The following CPA6 variants were observed in gnomAD, a reference collection of about 807,000 sequenced individuals.
CPA6 encodes carboxypeptidase A6, also known as carboxypeptidase B.
In CPA6, 58 loss-of-function variants were observed where a neutral mutation model predicts 63.3. The observed-to-expected ratio is 0.92, with a 90% CI of 0.74 to 1.14. CPA6 has a LOEUF of 1.14. Ranked by LOEUF, CPA6 falls within the 50% of genes most tolerant of loss-of-function variation. CPA6 has a pLI of 0.00. For synonymous variants in CPA6, 185 were observed against 179.0 expected, an observed-to-expected ratio of 1.03 and a Z score of -0.27; for missense variants, 565 against 526.6, an observed-to-expected ratio of 1.07 and a Z score of -0.71.
intron 6 of CPA6, among the ~76,000 whole-genome samples, chr8:67,492,791 A>C (rs1811635315): frequency 6.6e-6 from 1 of 152,172 alleles, no homozygotes; most frequent in South Asian, 2.1e-4. Flanking sequence ...AGCGGAGTAC[A>C]ACTAATGCAA....
At chr8:67,638,215 G>A (rs1431911706) in intron 1 of CPA6, among the ~76,000 whole-genome samples, 1 of 151,214 alleles carries the variant, frequency 6.6e-6, no homozygotes, top group South Asian at 2.1e-4. Flanking sequence ...CCCATGTAAA[G>A]CCTTAAAGAT....
At chr8:67,710,751 T>TG (rs113588595) in intron 1 of CPA6, among the ~76,000 whole-genome samples, 2,033 of 147,388 alleles carry the variant, frequency 0.014, 50 homozygotes, top group African/African-American at 0.045. Context: ...TTTAGTCTGT[T>TG]GGGGGGGGCT....
At chr8:67,673,386 T>A (rs1010126899) in intron 1 of CPA6, among the ~76,000 whole-genome samples, 2 of 110,876 alleles carry the variant, frequency 1.8e-5, no homozygotes, top group African/African-American at 1.1e-4. Context: ...TATTATTTAT[T>A]TATTTTTTTT....
chr8:67,730,026 G>A (rs77710582), intron 1 of CPA6, among the ~76,000 whole-genome samples: 2 of 152,210 alleles, frequency 1.3e-5, no homozygotes, highest in Non-Finnish European at 2.9e-5. Flanking sequence ...GATGTAGGGC[G>A]GGGGAGGATT....
chr8:67,523,505 G>A (rs1812301625), intron 2 of CPA6, among the ~76,000 whole-genome samples: 1 of 152,156 alleles, frequency 6.6e-6, no homozygotes, highest in Admixed American at 6.5e-5. Context: ...CTCCAGCCTG[G>A]GGGAAAGAGT....
intron 2 of CPA6, 46 bp from the exon 3 acceptor site, chr8:67,518,093 G>T: frequency 2.7e-6 from 4 of 1,479,742 alleles, no homozygotes; most frequent in Non-Finnish European, 3.6e-6. Flanking sequence ...ACGTAGGGGG[G>T]GAAAATCTGT....
At chr8:67,651,538 C>T (rs1333780208) in intron 1 of CPA6, among the ~76,000 whole-genome samples, 1 of 151,496 alleles carries the variant, frequency 6.6e-6, no homozygotes, top group Non-Finnish European at 1.5e-5. Flanking sequence ...TTTTTGTTTT[C>T]CTTGAACTGA....
intron 2 of CPA6, among the ~76,000 whole-genome samples, chr8:67,558,311 C>A (rs1052086114): frequency 3.9e-5 from 6 of 152,136 alleles, no homozygotes; most frequent in Non-Finnish European, 7.4e-5. Context: ...CCGTTTATTT[C>A]TTTCGTAGCC....
At chr8:67,445,670 A>G (rs1436638111) in intron 8 of CPA6, among the ~76,000 whole-genome samples, 5 of 152,206 alleles carry the variant, frequency 3.3e-5, no homozygotes, top group Non-Finnish European at 5.9e-5. Context: ...TAGTGTCTAC[A>G]TGTTGTTTTT....
chr8:67,652,806 T>C (rs1815880124), intron 1 of CPA6, among the ~76,000 whole-genome samples: 1 of 152,074 alleles, frequency 6.6e-6, no homozygotes, highest in African/African-American at 2.4e-5. Context: ...AGACATGAAG[T>C]CCTTGCCCAT....
At position 67,607,180 on chromosome 8, in the gene CPA6, CTTCTTCTTCTTCTTCTTCT is replaced by C. The variant is rs1814672945; in HGVS notation, c.192+16977_192+16995del. 5.2e-4 allele frequency among the ~76,000 whole-genome samples: 10 copies of C among 19,112 alleles called. 1 individual carries two copies. In the East Asian group the frequency reaches 0.016, roughly 31 times the overall value. 12.5% of individuals were successfully genotyped at this position (19,112 alleles called of 152,430 possible). A position where few individuals can be genotyped will look rare whatever the true frequency, so the allele number is the denominator to read the frequency against. On this transcript the variant is annotated intron_variant, in intron 2 of 10. Coordinates refer to ENST00000297770, the MANE Select transcript of CPA6 (RefSeq NM_020361.5). ...TCTTCTTCTTCTTCCTCTTCTTCTT[CTTCTTCTTCTTCTTCTTCT>C]TCTTCTTCTTCTTCTTCTTCTTCTT...
intron 1 of CPA6, among the ~76,000 whole-genome samples, chr8:67,669,708 G>A (rs1402475788): frequency 1.3e-5 from 2 of 151,964 alleles, no homozygotes; most frequent in South Asian, 2.1e-4. Flanking sequence ...TCTTCAGAAG[G>A]GAGTAAAGAG....
intron 8 of CPA6, among the ~76,000 whole-genome samples, chr8:67,482,171 G>A: frequency 6.6e-6 from 1 of 152,204 alleles, no homozygotes; most frequent in East Asian, 1.9e-4. Flanking sequence ...ATATAAACAG[G>A]AGTCTAAGTT....
At chr8:67,681,387 T>G (rs952650537) in intron 1 of CPA6, among the ~76,000 whole-genome samples, 65 of 150,362 alleles carry the variant, frequency 4.3e-4, no homozygotes, top group Admixed American at 1.1e-3. Flanking sequence ...TTTTTTGTAT[T>G]TTTAGTAGAG....
At chr8:67,423,616 A>C (rs1349794601) in intron 10 of CPA6, among the ~76,000 whole-genome samples, 1 of 152,156 alleles carries the variant, frequency 6.6e-6, no homozygotes, top group East Asian at 1.9e-4. Flanking sequence ...CCCCTGGCCC[A>C]GTTTCTCTGC....
intron 2 of CPA6, among the ~76,000 whole-genome samples, chr8:67,612,471 C>A (rs887809465): frequency 6.6e-6 from 1 of 152,186 alleles, no homozygotes; most frequent in East Asian, 1.9e-4. Flanking sequence ...ATGCTTCATG[C>A]TCTCTGTACC....
chr8:67,719,088 G>T (rs1587726326), intron 1 of CPA6, among the ~76,000 whole-genome samples: 1 of 152,022 alleles, frequency 6.6e-6, no homozygotes, highest in African/African-American at 2.4e-5. Flanking sequence ...AACAAGCTAG[G>T]CTCCAAATCT....
At chr8:67,734,254 A>G (rs184144241) in intron 1 of CPA6, among the ~76,000 whole-genome samples, 1 of 151,834 alleles carries the variant, frequency 6.6e-6, no homozygotes, top group East Asian at 1.9e-4. Context: ...AACAGAGGGT[A>G]CAGGTGTGTG....
chr8:67,645,739 T>C lies in CPA6; in HGVS notation c.117-21488A>G, dbSNP rs572564163. ...TTGTGTTGGAACAAATATAATGATG[T>C]CAATATTTTAATTTTCCCAGGTCTT... On this transcript the variant is annotated intron_variant, in intron 1 of 10. Transcript: ENST00000297770. Among the ~76,000 whole-genome samples the C allele has an allele frequency of 2.6e-5, 4 of 152,348 alleles. No homozygotes were observed. The South Asian group carries it at 6.2e-4, about 24-fold the overall frequency.
Sources: allele counts gnomAD v4.1 joint callset (sites outside exome capture counted in the v4.1 genomes callset), GRCh38; gene constraint gnomAD v4.1.1; transcripts MANE v1.5; gene names NCBI Gene and HGNC (gene_info 2026-07-23, HGNC 2026-07-21).